Variants in CDH13 observed in about 807,000 individuals in gnomAD.
CDH13 encodes the protein cadherin-13.
CDH13 carries 24 observed loss-of-function variants against 63.8 expected under a neutral mutation model. The observed-to-expected ratio is 0.38, with a 90% CI of 0.27 to 0.53. The LOEUF (loss-of-function observed/expected upper bound fraction) is 0.53. Ranked by LOEUF, CDH13 falls within the 20% of genes least tolerant of loss-of-function variation. The pLI is 0.85. For synonymous variants in CDH13, 503 were observed against 355.3 expected, an observed-to-expected ratio of 1.42 and a Z score of -4.67; for missense variants, 1,049 against 903.1, an observed-to-expected ratio of 1.16 and a Z score of -2.07.
chr16:83,129,296 T>C (rs1475494653), intron 4 of CDH13, among the ~76,000 whole-genome samples: 1 of 152,216 alleles, frequency 6.6e-6, no homozygotes, highest in Admixed American at 6.5e-5. Context: ...GACTTCGATA[T>C]AGAATGCCAT....
intron 2 of CDH13, among the ~76,000 whole-genome samples, chr16:82,988,311 A>C (rs778178213): frequency 2.6e-5 from 4 of 152,170 alleles, no homozygotes; most frequent in Non-Finnish European, 5.9e-5. Context: ...AGGAGACTTG[A>C]GGGAATGTTT....
intron 8 of CDH13, among the ~76,000 whole-genome samples, chr16:83,624,907 T>C (rs1298850110): frequency 6.6e-6 from 1 of 152,168 alleles, no homozygotes; most frequent in Non-Finnish European, 1.5e-5. Context: ...ATGATTTGCA[T>C]GTGAAAAGCT....
chr16:83,533,172 C>G (rs2075116802), intron 7 of CDH13, among the ~76,000 whole-genome samples: 1 of 152,200 alleles, frequency 6.6e-6, no homozygotes, highest in South Asian at 2.1e-4. Context: ...AGAGGACCAG[C>G]AGATGCCAGC....
chr16:83,564,909 TGTTG>T (rs2075766526), intron 7 of CDH13, among the ~76,000 whole-genome samples: 1 of 152,068 alleles, frequency 6.6e-6, no homozygotes, highest in Non-Finnish European at 1.5e-5. Flanking sequence ...AAACTGTTGT[TGTTG>T]GTTTTGTTGT....
At chr16:83,046,805 C>G (rs981329558) in intron 3 of CDH13, among the ~76,000 whole-genome samples, 1 of 152,124 alleles carries the variant, frequency 6.6e-6, no homozygotes, top group Non-Finnish European at 1.5e-5. Flanking sequence ...CTGGTGCCAC[C>G]CTTCCTCTCC....
At chr16:83,584,204 G>A (rs72793491) in intron 7 of CDH13, among the ~76,000 whole-genome samples, 10,794 of 152,102 alleles carry the variant, frequency 0.071, 464 homozygotes, top group Non-Finnish European at 0.083. Flanking sequence ...AGTGACAGGT[G>A]CCTGTAGTCC....
At chr16:83,315,637 G>C (rs186150976) in intron 5 of CDH13, among the ~76,000 whole-genome samples, 1 of 133,152 alleles carries the variant, frequency 7.5e-6, no homozygotes, top group African/African-American at 2.7e-5. Context: ...ACAAACTCTG[G>C]ATTTAAAAAA....
At chr16:83,372,749 T>TAAAAAAAA (rs35480546) in intron 6 of CDH13, among the ~76,000 whole-genome samples, 1 of 95,574 alleles carries the variant, frequency 1.0e-5, no homozygotes, top group African/African-American at 4.2e-5. Flanking sequence ...AGACTCGGTC[T>TAAAAAAAA]AAAAAAAAAA....
chr16:83,580,659 C>T (rs535187056), intron 7 of CDH13, among the ~76,000 whole-genome samples: 1 of 151,970 alleles, frequency 6.6e-6, no homozygotes, highest in African/African-American at 2.4e-5. Flanking sequence ...CATGCCCTGG[C>T]TTATTTTTAT....
intron 2 of CDH13, among the ~76,000 whole-genome samples, chr16:82,979,406 T>C (rs1404539958): frequency 2.0e-5 from 3 of 152,164 alleles, no homozygotes; most frequent in Non-Finnish European, 2.9e-5. Context: ...AAATTTCATC[T>C]TGAATTATAG....
intron 2 of CDH13, among the ~76,000 whole-genome samples, chr16:82,976,895 ATCT>A (rs1329784477): frequency 6.6e-6 from 1 of 152,142 alleles, no homozygotes; most frequent in East Asian, 1.9e-4. Flanking sequence ...GGATGATGAC[ATCT>A]TCTCCAGTTG....
chr16:83,253,683 A>G (rs1239407241), intron 5 of CDH13, among the ~76,000 whole-genome samples: 1 of 152,150 alleles, frequency 6.6e-6, no homozygotes, highest in African/African-American at 2.4e-5. Flanking sequence ...TACTCTTAAG[A>G]TCATGTGAGT....
At chr16:83,534,480 A>C (rs1220787616) in intron 7 of CDH13, among the ~76,000 whole-genome samples, 1 of 152,232 alleles carries the variant, frequency 6.6e-6, no homozygotes, top group Non-Finnish European at 1.5e-5. Flanking sequence ...AAGCCATCAA[A>C]TGTTACAACC....
At chr16:82,947,334 C>G (rs1374495779) in intron 2 of CDH13, among the ~76,000 whole-genome samples, 1 of 151,996 alleles carries the variant, frequency 6.6e-6, no homozygotes, top group Non-Finnish European at 1.5e-5. Flanking sequence ...AGTGTGTACC[C>G]AGGAGGTGAC....
intron 2 of CDH13, among the ~76,000 whole-genome samples, chr16:82,923,674 A>T (rs1324316695): frequency 6.6e-6 from 1 of 152,244 alleles, no homozygotes; most frequent in Non-Finnish European, 1.5e-5. Context: ...ATGAAAATTC[A>T]GTGAGATAAA....
chr16:83,741,914 T>A (rs1408028780), intron 10 of CDH13, among the ~76,000 whole-genome samples: 2 of 152,146 alleles, frequency 1.3e-5, no homozygotes, highest in Non-Finnish European at 2.9e-5. Context: ...CTTATGAGAA[T>A]CTAATGCCTG....
At chr16:82,933,638 G>A (rs1400607786) in intron 2 of CDH13, among the ~76,000 whole-genome samples, 1 of 152,164 alleles carries the variant, frequency 6.6e-6, no homozygotes, top group Non-Finnish European at 1.5e-5. Flanking sequence ...TTTGAGACAA[G>A]GCAAGTCCCT....
At chr16:82,808,757 C>T (rs2037286256) in intron 1 of CDH13, among the ~76,000 whole-genome samples, 1 of 152,088 alleles carries the variant, frequency 6.6e-6, no homozygotes, top group Non-Finnish European at 1.5e-5. Flanking sequence ...AAAATTGAGG[C>T]ACAAAGGGGT....
rs1048612973 is a variant in CDH13, at chr16:83,634,121, GTGTGTGTGTGTGTA to G, written c.1101+31541_1101+31554del. On this transcript the variant is annotated intron_variant, in intron 8 of 13. Coordinates refer to ENST00000567109, the MANE Select transcript of CDH13 (RefSeq NM_001257.5). ...CCACCCATTTTTGTGTGTTTTCTGT[GTGTGTGTGTGTGTA>G]TGTGTGTGTGTGTGTGTGTGTGTGT... Among the ~76,000 whole-genome samples the G allele has an allele frequency of 3.6e-3, 217 of 60,680 alleles. 6 individuals are homozygous for G. In the South Asian group the frequency reaches 0.072, roughly 20 times the overall value. The allele number at this position is 60,680 out of a possible 152,430, so 39.8% of individuals were successfully genotyped here. A position where few individuals can be genotyped will look rare whatever the true frequency, so the allele number is the denominator to read the frequency against.
Sources: allele counts gnomAD v4.1 joint callset (sites outside exome capture counted in the v4.1 genomes callset), GRCh38; gene constraint gnomAD v4.1.1; transcripts MANE v1.5; gene names NCBI Gene and HGNC (gene_info 2026-07-23, HGNC 2026-07-21).